ANKK1: variants seen among roughly 807,000 people sequenced by gnomAD.
The protein encoded by ANKK1 is ankyrin repeat and kinase domain containing 1, also known as ankyrin repeat and protein kinase domain-containing protein 1.
Under a neutral mutation model 37.6 loss-of-function variants are expected in ANKK1, and 37 were observed. The ratio of observed to expected loss-of-function variants is 0.98; its 90% CI spans 0.76 to 1.29. ANKK1 has a LOEUF of 1.29. Ranked by LOEUF, ANKK1 falls within the 50% of genes most tolerant of loss-of-function variation. The probability of loss-of-function intolerance (pLI) is 0.00; values close to 1 mark genes in which losing one functional copy is unlikely to be tolerated. For synonymous variants in ANKK1, 415 were observed against 418.7 expected (o/e 0.99, Z 0.11); for missense variants, 1,019 against 990.6 (o/e 1.03, Z -0.39).
At position 113,395,088 on chromosome 11, in the gene ANKK1, G is replaced by C; in HGVS notation, c.632+8G>C. 6.3e-7 allele frequency: 1 copy of C among 1,594,940 alleles called. No homozygotes were observed. Among genetic ancestry groups the C allele is most frequent in the Non-Finnish European group, 8.6e-7 (1 of 1,169,262 alleles). ...TAAATATGATGTGTACAGGTGAGAAGGAGGCCTGGCGTGATGCCACACACC... is the reference window on the plus strand; with the variant it reads ...TAAATATGATGTGTACAGGTGAGAACGAGGCCTGGCGTGATGCCACACACC... On this transcript the variant is annotated splice_region_variant and intron_variant, in intron 3 of 7. Coordinates refer to ENST00000303941, the MANE Select transcript of ANKK1 (RefSeq NM_178510.2).
At position 113,399,694 on chromosome 11, in the gene ANKK1, C is replaced by A; in HGVS notation, c.1725C>A (p.Ile575=). 1 of 1,596,568 alleles carries A rather than the reference C, an allele frequency of 6.3e-7. No individual in the cohort carries two copies. The highest frequency in any genetic ancestry group is 2.3e-5 in the East Asian group (1 of 43,794). ...CAGCTGCCAGGGGCAAATACCTGAT[C>A]TGCAAGATGCTGCTCAGGTACGGAG... The part of the protein sequence containing the change: ...HTAAARGKYL[I]CKMLLRYGAS... Residue 575 remains isoleucine, a synonymous_variant, in exon 8 of 8, where the codon ATC becomes ATA. Transcript: ENST00000303941.
chr11:113,394,312 T>C (rs1271440026), intron 2 of ANKK1, among the ~76,000 whole-genome samples: 1 of 152,136 alleles, frequency 6.6e-6, no homozygotes, highest in Non-Finnish European at 1.5e-5. Context: ...AACCCCAACA[T>C]AGGTATATAA....
At chr11:113,393,336 C>G in intron 1 of ANKK1, 145 bp from the exon 2 acceptor site, 1 of 803,720 alleles carries the variant, frequency 1.2e-6, no homozygotes, top group South Asian at 1.8e-5. Flanking sequence ...CTTCATGTCT[C>G]TCTTTCCTCT....
chr11:113,387,788 T>C lies in ANKK1; in HGVS notation c.-97T>C, dbSNP rs1591255764. 7.3e-7 allele frequency: 1 copy of C among 1,369,940 alleles called. No homozygotes were observed. The highest frequency in any genetic ancestry group is 2.6e-5 in the East Asian group (1 of 37,816). 84.9% of individuals were successfully genotyped at this position (1,369,940 alleles called of 1,614,324 possible). ...GCCGGCTCGTCTCCCCATTCCCCTC[T>C]CCCGGACCCGAGGAGCAGGAAGCGG... is the stretch of plus-strand genomic sequence containing the variant. On this transcript the variant is annotated 5_prime_UTR_variant, in exon 1 of 8. Coordinates refer to ENST00000303941, the MANE Select transcript of ANKK1 (RefSeq NM_178510.2).
Position 113,399,878 on chromosome 11 carries a change from G to T in ANKK1, c.1909G>T (p.Gly637Trp). ...TCCCCTGCACCTAGCTGCACGCCAC[G>T]GGGAGGAGGCGGTGGTGTCAGCACT... ...WTPLHLAARH[G>W]EEAVVSALLQ... The change falls in exon 8 of 8, where the codon GGG becomes TGG. Residue 637 changes from glycine to tryptophan, a missense_variant. Transcript: ENST00000303941. 2 of 1,612,876 alleles carry T rather than the reference G, an allele frequency of 1.2e-6. No homozygotes were observed. The highest frequency in any genetic ancestry group is 1.1e-5 in the South Asian group (1 of 91,068).
intron 7 of ANKK1, 67 bp from the exon 8 acceptor site, chr11:113,398,897 G>C (rs1319857380): frequency 7.1e-6 from 10 of 1,403,152 alleles, no homozygotes; most frequent in Non-Finnish European, 9.6e-6. Context: ...GGAGGCAGGG[G>C]GATGGCCATG....
Position 113,393,745 on chromosome 11 carries a change from C to T in ANKK1, c.450C>T (p.Asn150=), listed in dbSNP as rs58224139. The part of the protein sequence containing the change: ...PLLHLDLKPG[N]ILLDSNMHVK... ...TCCACCTGGACCTCAAGCCGGGCAA[C>T]ATACTCCTGGACAGCAACATGCATG... Residue 150 remains asparagine (N), a synonymous_variant, in exon 2 of 8, where the codon AAC becomes AAT. Coordinates refer to ENST00000303941, the MANE Select transcript of ANKK1 (RefSeq NM_178510.2). The T allele has an allele frequency of 1.0e-3, 1,647 of 1,611,782 alleles. 12 individuals carry two copies. In the Admixed American group the frequency reaches 0.011, roughly 11 times the overall value.
At chr11:113,388,695 G>A (rs1478841735) in intron 1 of ANKK1, among the ~76,000 whole-genome samples, 2 of 152,262 alleles carry the variant, frequency 1.3e-5, no homozygotes, top group Admixed American at 6.5e-5. Context: ...GCTGTCATGC[G>A]CACTACAGCG....
At chr11:113,390,438 C>T (rs556253153) in intron 1 of ANKK1, among the ~76,000 whole-genome samples, 61 of 152,268 alleles carry the variant, frequency 4.0e-4, no homozygotes, top group Non-Finnish European at 6.9e-4. Context: ...TATAAGTGGT[C>T]ATTAAAACTA....
At position 113,387,973 on chromosome 11, in the gene ANKK1, G is replaced by T; in HGVS notation, c.89G>T (p.Ser30Ile). 1.3e-6 allele frequency: 2 copies of T among 1,572,366 alleles called. No homozygotes were observed. Among genetic ancestry groups the T allele is most frequent in the East Asian group, 2.3e-5 (1 of 42,786 alleles). ...DFEGDWRLVASGGFSQVFQAR... is the reference protein window; with the variant it reads ...DFEGDWRLVAIGGFSQVFQAR... ...GAGGGCGACTGGCGCCTAGTGGCCA[G>T]CGGCGGCTTCAGCCAGGTGTTCCAG... Residue 30 changes from serine to isoleucine, a missense_variant, in exon 1 of 8, where the codon AGC (serine) becomes ATC (isoleucine). By Grantham distance (142) the Ser-to-Ile change is moderately radical (BLOSUM62 -2). Transcript: ENST00000303941.
At chr11:113,395,784 G>C (rs1591261981) in intron 4 of ANKK1, among the ~76,000 whole-genome samples, 1 of 152,334 alleles carries the variant, frequency 6.6e-6, no homozygotes, top group African/African-American at 2.4e-5. Context: ...ACCTAGGCCT[G>C]CCCATCAGCT....
At chr11:113,395,506 A>G in intron 4 of ANKK1, 98 bp downstream of exon 4, 3 of 1,324,772 alleles carry the variant, frequency 2.3e-6, no homozygotes, top group Non-Finnish European at 3.2e-6. Context: ...GGGGGGGTCA[A>G]GTTGCAGGTT....
intron 7 of ANKK1, 66 bp downstream of exon 7, chr11:113,398,082 C>T: frequency 1.3e-6 from 2 of 1,531,632 alleles, no homozygotes; most frequent in Non-Finnish European, 1.8e-6. Flanking sequence ...CAAACCACAC[C>T]CTTTCCCCAT....
chr11:113,393,904 G>A, intron 2 of ANKK1, 129 bp downstream of exon 2: 1 of 1,179,426 alleles, frequency 8.5e-7, no homozygotes, highest in Non-Finnish European at 1.2e-6. Flanking sequence ...AATTCTAAAG[G>A]CAGGGATCAC....
At position 113,400,377 on chromosome 11, in the gene ANKK1, CA is replaced by C; in HGVS notation, c.*114del. 1 of 1,123,676 alleles carries C rather than the reference CA, an allele frequency of 8.9e-7. No homozygotes were observed. The highest frequency in any genetic ancestry group is 1.2e-6 in the Non-Finnish European group (1 of 814,598). 69.6% of individuals were successfully genotyped at this position (1,123,676 alleles called of 1,614,324 possible). A position where few individuals can be genotyped will look rare whatever the true frequency, so the allele number is the denominator to read the frequency against. ...TTTGAGGCCAGCCTGGCCAACATGG[CA>C]AAACCCTGTCTCTGCTAAAAATACA... is the stretch of plus-strand genomic sequence containing the variant. On this transcript the variant is annotated 3_prime_UTR_variant, in exon 8 of 8. Coordinates refer to ENST00000303941, the MANE Select transcript of ANKK1 (RefSeq NM_178510.2).
At chr11:113,397,455 C>T (rs1380904155) in intron 6 of ANKK1, 113 bp downstream of exon 6, 1 of 794,308 alleles carries the variant, frequency 1.3e-6, no homozygotes, top group Admixed American at 2.6e-5. Flanking sequence ...CAGCTTGGGG[C>T]CACCTCCATC....
intron 6 of ANKK1, 127 bp from the exon 7 acceptor site, chr11:113,397,853 C>T: frequency 9.5e-7 from 1 of 1,057,774 alleles, no homozygotes; most frequent in Non-Finnish European, 1.4e-6. Flanking sequence ...AAAGGTTTCC[C>T]AGGATAGGGT....
rs528190275 is a variant in ANKK1, at chr11:113,399,889, G to A, written c.1920G>A (p.Ala640=). Reference sequence around the variant, plus strand: ...TAGCTGCACGCCACGGGGAGGAGGCGGTGGTGTCAGCACTGCTGCAGTGTG... The same window carrying A: ...TAGCTGCACGCCACGGGGAGGAGGCAGTGGTGTCAGCACTGCTGCAGTGTG... ...LHLAARHGEE[A]VVSALLQCGA... Residue 640 remains alanine, a synonymous_variant, in exon 8 of 8, where the codon GCG becomes GCA. Transcript: ENST00000303941. 7.8e-5 allele frequency: 126 copies of A among 1,613,316 alleles called. 2 individuals are homozygous for A. The South Asian group carries it at 1.0e-3, about 13-fold the overall frequency.
At chr11:113,388,888 T>G (rs1228244062) in intron 1 of ANKK1, among the ~76,000 whole-genome samples, 1 of 152,180 alleles carries the variant, frequency 6.6e-6, no homozygotes, top group East Asian at 1.9e-4. Context: ...ATGATAACCA[T>G]GTCCTCCTCC....
Sources: gnomAD v4.1 joint callset for allele counts (sites outside exome capture counted in the v4.1 genomes callset) on GRCh38, gnomAD v4.1.1 for gene constraint, MANE v1.5 for transcripts, NCBI Gene and HGNC (gene_info 2026-07-23, HGNC 2026-07-21) for gene names.